The following KPNA6 variants were observed in gnomAD, a reference collection of about 807,000 sequenced individuals.
KPNA6 encodes karyopherin subunit alpha 6, also known as importin subunit alpha-7.
KPNA6 carries 9 observed loss-of-function variants against 72.0 expected under a neutral mutation model. The observed-to-expected ratio is 0.13, with a 90% CI of 0.08 to 0.22. The LOEUF (loss-of-function observed/expected upper bound fraction) is 0.22, where lower values mean the gene tolerates loss of function less well. Among genes scored for constraint, KPNA6 ranks in the 10% least tolerant of loss-of-function variants. The pLI, the probability that KPNA6 is intolerant of heterozygous loss-of-function variation, is 1.00. For synonymous variants in KPNA6, 219 were observed against 242.1 expected, an observed-to-expected ratio of 0.90 and a Z score of 0.89; for missense variants, 374 against 655.7, an observed-to-expected ratio of 0.57 and a Z score of 4.69.
At position 32,172,800 on chromosome 1, in the gene KPNA6, T is replaced by A; in HGVS notation, c.*1906T>A. 1 of 258,382 alleles carries A rather than the reference T, an allele frequency of 3.9e-6. No individual in the cohort carries two copies. The allele number at this position is 258,382 out of a possible 1,614,324, so 16.0% of individuals were successfully genotyped here. A position where few individuals can be genotyped will look rare whatever the true frequency, so the allele number is the denominator to read the frequency against. On this transcript the variant is annotated 3_prime_UTR_variant, in exon 14 of 14. Coordinates refer to ENST00000373625, the MANE Select transcript of KPNA6 (RefSeq NM_012316.5). Reference sequence around the variant, plus strand: ...TAGTCAGAGGCATCCTGCTCCAAGCTCTGCTTTTCCTTCCTCTGAAACAAT... The same window carrying A: ...TAGTCAGAGGCATCCTGCTCCAAGCACTGCTTTTCCTTCCTCTGAAACAAT...
At chr1:32,132,110 A>G (rs1641649135) in intron 1 of KPNA6, among the ~76,000 whole-genome samples, 2 of 151,846 alleles carry the variant, frequency 1.3e-5, no homozygotes, top group African/African-American at 4.8e-5. Context: ...AGCTGGGATT[A>G]CAGGTATGCA....
intron 12 of KPNA6, among the ~76,000 whole-genome samples, 163 bp from the exon 13 acceptor site, chr1:32,169,719 C>T (rs1038657357): frequency 4.0e-5 from 6 of 151,756 alleles, no homozygotes; most frequent in Admixed American, 1.3e-4. Context: ...CTCAGCCTCC[C>T]AAAGTGCTGG....
At chr1:32,163,747 CA>C (rs1277985784) in intron 10 of KPNA6, among the ~76,000 whole-genome samples, 8 of 152,106 alleles carry the variant, frequency 5.3e-5, no homozygotes, top group Non-Finnish European at 4.4e-5. Flanking sequence ...GCATAGTAAA[CA>C]AAGTTCCCCT....
At chr1:32,146,834 A>G (rs1641937170) in intron 1 of KPNA6, among the ~76,000 whole-genome samples, 2 of 152,036 alleles carry the variant, frequency 1.3e-5, no homozygotes, top group South Asian at 4.2e-4. Context: ...CTTTCATTTC[A>G]ACCTGAAGGG....
At chr1:32,112,963 T>C (rs1641265647) in intron 1 of KPNA6, among the ~76,000 whole-genome samples, 1 of 152,188 alleles carries the variant, frequency 6.6e-6, no homozygotes, top group Non-Finnish European at 1.5e-5. Context: ...GCCACATCAA[T>C]TGATTCTTCC....
At chr1:32,158,731 T>C (rs574505384) in intron 5 of KPNA6, among the ~76,000 whole-genome samples, 1 of 152,254 alleles carries the variant, frequency 6.6e-6, no homozygotes, top group South Asian at 2.1e-4. Context: ...TTCCAAGAAA[T>C]TGCAGTGGGA....
Position 32,160,656 on chromosome 1 carries a change from T to C in KPNA6, c.600T>C (p.Val200=), listed in dbSNP as rs1642220947. The C allele has an allele frequency of 4.3e-6, 7 of 1,614,118 alleles. No individual in the cohort carries two copies. The highest frequency in any genetic ancestry group is 5.9e-6 in the Non-Finnish European group (7 of 1,179,968). ...GAAACATAGCTGGAGATAGCTCTGT[T>C]TGCCGAGATTACGTCTTGAACTGTT... ...ALGNIAGDSS[V]CRDYVLNCSI... The change falls in exon 7 of 14, where the codon GTT becomes GTC. Residue 200 remains valine (V), a synonymous_variant. Transcript: ENST00000373625.
chr1:32,119,029 TATA>T lies in KPNA6; in HGVS notation c.4+10896_4+10898del, dbSNP rs1364451058. Among the ~76,000 whole-genome samples, 329 of 68,372 alleles carry T rather than the reference TATA, an allele frequency of 4.8e-3. 4 individuals are homozygous for T. The highest frequency in any genetic ancestry group is 0.019 in the African/African-American group (264 of 13,994). 44.9% of individuals were successfully genotyped at this position (68,372 alleles called of 152,430 possible). A position where few individuals can be genotyped will look rare whatever the true frequency, so the allele number is the denominator to read the frequency against. On this transcript the variant is annotated intron_variant, in intron 1 of 13. Coordinates refer to ENST00000373625, the MANE Select transcript of KPNA6 (RefSeq NM_012316.5). ...ATATATATATATATATATATATATATATATTTTTTTTTTTTTTTTTGAGAGAGA... is the reference window on the plus strand; with the variant it reads ...ATATATATATATATATATATATATATTTTTTTTTTTTTTTTTTGAGAGAGA...
intron 1 of KPNA6, among the ~76,000 whole-genome samples, chr1:32,115,342 G>A (rs1450842536): frequency 1.3e-5 from 2 of 151,820 alleles, no homozygotes; most frequent in Admixed American, 1.3e-4. Flanking sequence ...ATTTCACCAT[G>A]TTAGCCAGGA....
In KPNA6 at chr1:32,159,402, T is replaced by G; in HGVS notation, c.429T>G (p.Phe143Leu). 1 of 1,613,912 alleles carries G rather than the reference T, an allele frequency of 6.2e-7. No homozygotes were observed. The highest frequency in any genetic ancestry group is 8.5e-7 in the Non-Finnish European group (1 of 1,179,900). The change falls in exon 6 of 14, where the codon TTT (phenylalanine) becomes TTG (leucine). Residue 143 changes from phenylalanine (F) to leucine (L), a missense_variant and splice_region_variant. Physicochemically the swap from Phe to Leu is conservative, Grantham distance 22 (BLOSUM62 0). Transcript: ENST00000373625. ...TCATTGCTTAATCTCACTTTCAGTT[T>G]GAAGCTGCCTGGGCTCTAACGAATA... ...LKRNENCTLQ[F>L]EAAWALTNIA...
At chr1:32,124,806 C>T (rs1408433112) in intron 1 of KPNA6, among the ~76,000 whole-genome samples, 3 of 149,974 alleles carry the variant, frequency 2.0e-5, no homozygotes, top group Admixed American at 1.3e-4. Context: ...CGTGTTCGGC[C>T]GGCCTCGTCT....
chr1:32,152,174 A>G (rs1228045355), intron 1 of KPNA6, among the ~76,000 whole-genome samples: 1 of 152,084 alleles, frequency 6.6e-6, no homozygotes. Flanking sequence ...TACAAAAAAA[A>G]CGTAAAGATT....
intron 10 of KPNA6, 21 bp downstream of exon 10, chr1:32,163,334 G>C: frequency 6.4e-7 from 1 of 1,571,844 alleles, no homozygotes; most frequent in Non-Finnish European, 8.7e-7. Flanking sequence ...GGAGGGTGCA[G>C]GATCTTAGAC....
chr1:32,174,293 G>C lies in KPNA6; in HGVS notation c.*3399G>C, dbSNP rs962695124. On this transcript the variant is annotated 3_prime_UTR_variant, in exon 14 of 14. Coordinates refer to ENST00000373625, the MANE Select transcript of KPNA6 (RefSeq NM_012316.5). Reference sequence around the variant, plus strand: ...CATCTTCCAGGAGCCCTGTTTTTTGGAGCTGAACTGCACAGATTATAGCTG... The same window carrying C: ...CATCTTCCAGGAGCCCTGTTTTTTGCAGCTGAACTGCACAGATTATAGCTG... The C allele has an allele frequency of 7.9e-5, 12 of 152,298 alleles. No individual in the cohort carries two copies. The highest frequency in any genetic ancestry group is 2.9e-4 in the African/African-American group (12 of 41,416). 9.4% of individuals were successfully genotyped at this position (152,298 alleles called of 1,614,324 possible). A position where few individuals can be genotyped will look rare whatever the true frequency, so the allele number is the denominator to read the frequency against.
At position 32,129,187 on chromosome 1, in the gene KPNA6, A is replaced by C. The variant is rs542219488; in HGVS notation, c.4+21053A>C. On this transcript the variant is annotated intron_variant, in intron 1 of 13. Coordinates refer to ENST00000373625, the MANE Select transcript of KPNA6 (RefSeq NM_012316.5). The stretch of plus-strand genomic sequence containing the variant: ...TTTCTTTCTTTTTTTTTTTTGAGAC[A>C]GGCTCTAGCTCTGTTGCCCAGGCTG... Among the ~76,000 whole-genome samples, 7 of 138,894 alleles carry C rather than the reference A, an allele frequency of 5.0e-5. No individual in the cohort carries two copies. In the Admixed American group the frequency reaches 5.4e-4, roughly 11 times the overall value. 91.1% of individuals were successfully genotyped at this position (138,894 alleles called of 152,430 possible).
Position 32,174,655 on chromosome 1 carries a change from G to C in KPNA6, c.*3761G>C, listed in dbSNP as rs1042358535. 6.6e-6 allele frequency: 1 copy of C among 152,110 alleles called. No individual in the cohort carries two copies. The highest frequency in any genetic ancestry group is 2.4e-5 in the African/African-American group (1 of 41,404). 9.4% of individuals were successfully genotyped at this position (152,110 alleles called of 1,614,324 possible). A position where few individuals can be genotyped will look rare whatever the true frequency, so the allele number is the denominator to read the frequency against. On this transcript the variant is annotated 3_prime_UTR_variant, in exon 14 of 14. Transcript: ENST00000373625. ...AGATTCATCTAGGGTTCAGATTCCA[G>C]ACTCTCAGCTGAAGACAGGGAGCCA...
intron 2 of KPNA6, among the ~76,000 whole-genome samples, chr1:32,155,696 G>GATT (rs1190155937): frequency 6.7e-6 from 1 of 149,240 alleles, no homozygotes; most frequent in East Asian, 2.0e-4. Context: ...TCAGTCACCT[G>GATT]ATTATTATTA....
At chr1:32,138,976 C>T (rs1440628780) in intron 1 of KPNA6, among the ~76,000 whole-genome samples, 1 of 152,034 alleles carries the variant, frequency 6.6e-6, no homozygotes, top group Non-Finnish European at 1.5e-5. Context: ...GTAAGAAATT[C>T]TTCTGTAGTC....
intron 1 of KPNA6, among the ~76,000 whole-genome samples, chr1:32,132,976 C>A (rs1641667239): frequency 6.6e-6 from 1 of 152,084 alleles, no homozygotes; most frequent in Admixed American, 6.5e-5. Context: ...CTCCGGTGAT[C>A]CACCTGCCCC....
Sources: allele counts gnomAD v4.1 joint callset (sites outside exome capture counted in the v4.1 genomes callset), GRCh38; gene constraint gnomAD v4.1.1; transcripts MANE v1.5; gene names NCBI Gene and HGNC (gene_info 2026-07-23, HGNC 2026-07-21).